Variants in RTN4RL1 observed in about 807,000 individuals in gnomAD.
RTN4RL1 encodes reticulon 4 receptor like 1.
RTN4RL1 carries 7 observed loss-of-function variants against 25.6 expected under a neutral mutation model. That is an observed-to-expected ratio of 0.27 (90% CI 0.16 to 0.51). The LOEUF (loss-of-function observed/expected upper bound fraction) is 0.51, where lower values mean the gene tolerates loss of function less well. RTN4RL1 is among the 20% of genes least tolerant of loss of function. The pLI, the probability that RTN4RL1 is intolerant of heterozygous loss-of-function variation, is 0.97. For synonymous variants in RTN4RL1, 297 were observed against 288.2 expected (o/e 1.03, Z -0.31); for missense variants, 500 against 615.6 (o/e 0.81, Z 1.99).
intron 1 of RTN4RL1, among the ~76,000 whole-genome samples, chr17:1,964,026 T>A (rs1403310888): frequency 6.6e-6 from 1 of 152,116 alleles, no homozygotes; most frequent in Middle Eastern, 3.2e-3. Flanking sequence ...GCGCCGGGCC[T>A]GCCCTTGGGA....
At chr17:1,999,403 G>A (rs922929497) in intron 1 of RTN4RL1, among the ~76,000 whole-genome samples, 8 of 150,890 alleles carry the variant, frequency 5.3e-5, no homozygotes, top group African/African-American at 1.7e-4. Context: ...CCGAGATCGC[G>A]CCACTGCACT....
Position 1,994,829 on chromosome 17 carries a change from C to T in RTN4RL1, c.13+30024G>A, listed in dbSNP as rs1359088798. ...TAAATGACGGCCAGGTGCAGTGGCT[C>T]ATACCTGCATATAATCCCAGTACTT... is the stretch of plus-strand genomic sequence containing the variant. On this transcript the variant is annotated intron_variant, in intron 1 of 1. Transcript: ENST00000331238. This position sits in a 1 kb window ranked among gnomAD's most constrained non-coding sequence, Gnocchi z 4.3. Among the ~76,000 whole-genome samples the T allele has an allele frequency of 2.0e-5, 3 of 151,924 alleles. No individual in the cohort carries two copies. The highest frequency in any genetic ancestry group is 4.4e-5 in the Non-Finnish European group (3 of 68,018).
intron 1 of RTN4RL1, among the ~76,000 whole-genome samples, chr17:2,002,352 G>C (rs559019997): frequency 2.7e-5 from 4 of 150,036 alleles, no homozygotes; most frequent in South Asian, 2.1e-4. Context: ...GAGTGCAGTG[G>C]CGCGATCTCG....
At chr17:2,007,295 A>C (rs996799653) in intron 1 of RTN4RL1, among the ~76,000 whole-genome samples, 2 of 150,368 alleles carry the variant, frequency 1.3e-5, no homozygotes, top group Non-Finnish European at 2.9e-5. Context: ...TGGATCACCC[A>C]CAGTCGGCTG....
rs990948453 is a variant in RTN4RL1 at position 1,994,650 on chromosome 17, T to C, written c.13+30203A>G. On this transcript the variant is annotated intron_variant, in intron 1 of 1. Coordinates refer to ENST00000331238, the MANE Select transcript of RTN4RL1 (RefSeq NM_178568.4). The surrounding 1 kb of genome is among the most constrained non-coding windows in gnomAD (Gnocchi z 4.3). ...GGAGTCAGCCAGGCCTGGATTCCAA[T>C]CCCAGCTCCGCCACTGACAGGCCCG... 1.3e-5 allele frequency among the ~76,000 whole-genome samples: 2 copies of C among 152,034 alleles called. No individual in the cohort carries two copies. The highest frequency in any genetic ancestry group is 4.8e-5 in the African/African-American group (2 of 41,384).
At chr17:1,979,638 T>TC (rs2066858509) in intron 1 of RTN4RL1, among the ~76,000 whole-genome samples, 2 of 151,928 alleles carry the variant, frequency 1.3e-5, no homozygotes. Flanking sequence ...CCCATGGGAG[T>TC]CTTCACCAGC....
intron 1 of RTN4RL1, among the ~76,000 whole-genome samples, chr17:1,948,915 C>T (rs1418222987): frequency 6.6e-6 from 1 of 151,990 alleles, no homozygotes; most frequent in East Asian, 1.9e-4. Context: ...GCCTCAGCCT[C>T]CTGAGTAGCT....
At chr17:1,951,802 C>T (rs1298092678) in intron 1 of RTN4RL1, among the ~76,000 whole-genome samples, 1 of 152,222 alleles carries the variant, frequency 6.6e-6, no homozygotes. Flanking sequence ...GTGATGAGGA[C>T]TGCCGAAGAC....
At chr17:1,969,659 T>C (rs766101678) in intron 1 of RTN4RL1, among the ~76,000 whole-genome samples, 16 of 152,218 alleles carry the variant, frequency 1.1e-4, no homozygotes, top group Non-Finnish European at 1.9e-4. Context: ...TGCCAGAATT[T>C]GAGTGAGGTG....
chr17:1,963,482 T>C (rs866344224), intron 1 of RTN4RL1, among the ~76,000 whole-genome samples: 6 of 152,242 alleles, frequency 3.9e-5, no homozygotes, highest in Non-Finnish European at 8.8e-5. Flanking sequence ...CTGTCCAGGC[T>C]GCCTCTGCTG....
intron 1 of RTN4RL1, among the ~76,000 whole-genome samples, chr17:1,945,329 T>C (rs1915514432): frequency 6.6e-6 from 1 of 152,144 alleles, no homozygotes. Context: ...TTCAAGCGAT[T>C]CTCTCGCCTC....
chr17:2,024,220 C>T (rs2067245917), intron 1 of RTN4RL1, among the ~76,000 whole-genome samples: 1 of 152,238 alleles, frequency 6.6e-6, no homozygotes, highest in South Asian at 2.1e-4. Flanking sequence ...GTCGCGCACA[C>T]TGGCGGCACG....
chr17:1,986,321 G>A (rs1454835290), intron 1 of RTN4RL1, among the ~76,000 whole-genome samples: 2 of 152,120 alleles, frequency 1.3e-5, no homozygotes, highest in East Asian at 1.9e-4. Flanking sequence ...AAACTGAGGT[G>A]CACAGAGGTT....
chr17:2,011,778 T>C (rs1439955157), intron 1 of RTN4RL1, among the ~76,000 whole-genome samples: 2 of 152,094 alleles, frequency 1.3e-5, no homozygotes, highest in Non-Finnish European at 2.9e-5. Context: ...GGTAAGATGA[T>C]CATTGCCACA....
chr17:2,008,982 C>T (rs1161078468), intron 1 of RTN4RL1, among the ~76,000 whole-genome samples: 1 of 152,146 alleles, frequency 6.6e-6, no homozygotes, highest in East Asian at 1.9e-4. Flanking sequence ...GGTTTACTCA[C>T]TCCCACCCTG....
chr17:2,011,841 G>A (rs1052477679), intron 1 of RTN4RL1, among the ~76,000 whole-genome samples: 3 of 152,172 alleles, frequency 2.0e-5, no homozygotes, highest in Admixed American at 1.3e-4. Flanking sequence ...CGTGTGAGTG[G>A]TAAAATGTCC....
At chr17:1,948,708 G>A (rs1162700936) in intron 1 of RTN4RL1, among the ~76,000 whole-genome samples, 5 of 152,030 alleles carry the variant, frequency 3.3e-5, no homozygotes, top group Admixed American at 1.3e-4. Context: ...GACCGTCCTC[G>A]GTGGCAAATG....
intron 1 of RTN4RL1, among the ~76,000 whole-genome samples, chr17:1,978,485 G>A (rs2066853072): frequency 6.6e-6 from 1 of 152,270 alleles, no homozygotes; most frequent in African/African-American, 2.4e-5. Flanking sequence ...AAGCGCCCAG[G>A]TGGGCTCTGC....
At position 1,937,174 on chromosome 17, in the gene RTN4RL1, C is replaced by G. The variant is rs9903800; in HGVS notation, c.648G>C (p.Ala216=). The G allele has an allele frequency of 6.2e-7, 1 of 1,611,788 alleles. No homozygotes were observed. The highest frequency in any genetic ancestry group is 1.3e-5 in the African/African-American group (1 of 74,852). The change falls in exon 2 of 2, where the codon GCG becomes GCC. Residue 216 remains alanine (A), a synonymous_variant. Coordinates refer to ENST00000331238, the MANE Select transcript of RTN4RL1 (RefSeq NM_178568.4). ...ENQLQWVHHK[A]FHDLRRLTTL... ...TGGTCAGCCTGCGGAGGTCGTGGAA[C>G]GCCTTGTGGTGGACCCACTGCAGCT... is the stretch of plus-strand genomic sequence containing the variant.
Sources: allele counts gnomAD v4.1 joint callset (sites outside exome capture counted in the v4.1 genomes callset), GRCh38; gene constraint gnomAD v4.1.1; non-coding constraint Gnocchi (gnomAD v3.1); transcripts MANE v1.5; gene names NCBI Gene and HGNC (gene_info 2026-07-23, HGNC 2026-07-21).